PCDH15: variants seen among roughly 807,000 people sequenced by gnomAD.
PCDH15 encodes the protein protocadherin related 15.
In PCDH15, 129 loss-of-function variants were observed where a neutral mutation model predicts 178.5. The ratio of observed to expected loss-of-function variants is 0.72; its 90% CI spans 0.63 to 0.84. The LOEUF is 0.84. Among genes scored for constraint, PCDH15 ranks in the 40% least tolerant of loss-of-function variants. The pLI, the probability that PCDH15 is intolerant of heterozygous loss-of-function variation, is 0.00. For synonymous variants in PCDH15, 800 were observed against 732.0 expected (o/e 1.09, Z -1.50); for missense variants, 2,230 against 2,099.9 (o/e 1.06, Z -1.21).
chr10:55,618,447 GT>G (rs1487689494), intron 2 of PCDH15, among the ~76,000 whole-genome samples: 1 of 151,964 alleles, frequency 6.6e-6, no homozygotes, highest in Non-Finnish European at 1.5e-5. Context: ...TATTCATATA[GT>G]TTACCTTTCA....
chr10:55,470,138 G>A (rs1839923623), intron 2 of PCDH15, among the ~76,000 whole-genome samples: 1 of 151,970 alleles, frequency 6.6e-6, no homozygotes, highest in African/African-American at 2.4e-5. Context: ...ATCTCTTGAG[G>A]TCAGGAGTTC....
intron 1 of PCDH15, among the ~76,000 whole-genome samples, chr10:54,735,577 TGCG>T (rs1327911718): frequency 7.0e-6 from 1 of 143,196 alleles, no homozygotes; most frequent in Non-Finnish European, 1.5e-5. Flanking sequence ...GTATGTTTAT[TGCG>T]GCATTATTCA....
At chr10:55,504,892 T>C (rs1353557622) in intron 2 of PCDH15, among the ~76,000 whole-genome samples, 1 of 151,318 alleles carries the variant, frequency 6.6e-6, no homozygotes, top group Admixed American at 6.6e-5. Context: ...ACTAGGAAAA[T>C]TCAAATCAAA....
At chr10:53,963,150 C>T (rs954345815) in intron 21 of PCDH15, among the ~76,000 whole-genome samples, 7 of 152,058 alleles carry the variant, frequency 4.6e-5, no homozygotes, top group Admixed American at 2.0e-4. Flanking sequence ...TTTATATTTC[C>T]ATTTTCTTCA....
intron 29 of PCDH15, among the ~76,000 whole-genome samples, chr10:53,832,458 C>A (rs993934802): frequency 6.6e-6 from 1 of 151,820 alleles, no homozygotes; most frequent in South Asian, 2.1e-4. Flanking sequence ...AAAGGTCAAA[C>A]GTCTTACTAT....
intron 1 of PCDH15, among the ~76,000 whole-genome samples, chr10:54,748,614 T>C (rs1945786648): frequency 6.6e-6 from 1 of 152,224 alleles, no homozygotes; most frequent in Non-Finnish European, 1.5e-5. Context: ...CTTTACAGGA[T>C]TGATTTCTTT....
intron 2 of PCDH15, among the ~76,000 whole-genome samples, chr10:55,548,665 T>G (rs1841941402): frequency 6.6e-6 from 1 of 152,162 alleles, no homozygotes; most frequent in South Asian, 2.1e-4. Flanking sequence ...TCAAAAAGCA[T>G]ACACTTTAGC....
rs111234620 is a variant in PCDH15 at position 54,286,223 on chromosome 10, T to C, written c.876+31048A>G. Among the ~76,000 whole-genome samples, 1,080 of 152,280 alleles carry C rather than the reference T, an allele frequency of 7.1e-3. 8 individuals are homozygous for C. Among genetic ancestry groups the C allele is most frequent in the Admixed American group, 0.014 (214 of 15,288 alleles). On this transcript the variant is annotated intron_variant, in intron 8 of 37. Transcript: ENST00000644397. ...TTGAATGTTTTTACCACAAACAAAA[T>C]GATAACTGTGTGAGATGATGGATAT...
At chr10:54,681,787 T>C (rs766189010) in intron 1 of PCDH15, among the ~76,000 whole-genome samples, 1 of 152,178 alleles carries the variant, frequency 6.6e-6, no homozygotes, top group Non-Finnish European at 1.5e-5. Flanking sequence ...TGTGCACTTG[T>C]GTTAAAGATA....
At chr10:54,171,979 C>A (rs971472304) in intron 13 of PCDH15, among the ~76,000 whole-genome samples, 17 of 150,734 alleles carry the variant, frequency 1.1e-4, no homozygotes, top group Non-Finnish European at 2.2e-4. Flanking sequence ...CTCCATACCA[C>A]CCCCCAAAAA....
chr10:54,457,409 A>G (rs2136392697), intron 3 of PCDH15, among the ~76,000 whole-genome samples: 1 of 152,236 alleles, frequency 6.6e-6, no homozygotes, highest in East Asian at 1.9e-4. Flanking sequence ...GTACCTCTGG[A>G]CGCTTTATTC....
intron 6 of PCDH15, among the ~76,000 whole-genome samples, chr10:54,335,460 A>C (rs1940886137): frequency 6.6e-6 from 1 of 152,132 alleles, no homozygotes; most frequent in Non-Finnish European, 1.5e-5. Flanking sequence ...TTTCATCTTG[A>C]ATTGTAGCTT....
At chr10:54,659,800 A>G in intron 2 of PCDH15, among the ~76,000 whole-genome samples, 1 of 152,000 alleles carries the variant, frequency 6.6e-6, no homozygotes, top group East Asian at 1.9e-4. Flanking sequence ...AAAACCACAC[A>G]AGTACATGGA....
chr10:53,961,701 C>G, intron 22 of PCDH15, 51 bp downstream of exon 22: 1 of 1,399,160 alleles, frequency 7.1e-7, no homozygotes, highest in African/African-American at 1.5e-5. Flanking sequence ...GCCAAATTCT[C>G]TATCAAAAAT....
chr10:54,582,637 G>A (rs1051163290), intron 2 of PCDH15, among the ~76,000 whole-genome samples: 1 of 152,100 alleles, frequency 6.6e-6, no homozygotes, highest in African/African-American at 2.4e-5. Flanking sequence ...TACTGGCAAG[G>A]TGTGGTGTCT....
At chr10:54,010,650 C>G (rs1040225209) in intron 20 of PCDH15, among the ~76,000 whole-genome samples, 8 of 152,150 alleles carry the variant, frequency 5.3e-5, no homozygotes, top group African/African-American at 1.7e-4. Flanking sequence ...GAGAAAACCC[C>G]AGAGACAATC....
At chr10:55,434,075 T>TTA (rs1838962179) in intron 2 of PCDH15, among the ~76,000 whole-genome samples, 3 of 95,818 alleles carry the variant, frequency 3.1e-5, no homozygotes, top group Non-Finnish European at 3.8e-5. Context: ...TTCTTTTCTT[T>TTA]TCTTTTTTTT....
chr10:55,032,928 G>C (rs1335313909), intron 2 of PCDH15, among the ~76,000 whole-genome samples: 1 of 152,120 alleles, frequency 6.6e-6, no homozygotes, highest in African/African-American at 2.4e-5. Context: ...CATTGTTTTT[G>C]TACAGTGCTA....
At chr10:55,359,745 T>C (rs866701885) in intron 2 of PCDH15, among the ~76,000 whole-genome samples, 75 of 131,748 alleles carry the variant, frequency 5.7e-4, no homozygotes, top group Middle Eastern at 3.8e-3. Flanking sequence ...TATATATATA[T>C]ATACACACAC....
Sources: allele counts gnomAD v4.1 joint callset (sites outside exome capture counted in the v4.1 genomes callset), GRCh38; gene constraint gnomAD v4.1.1; transcripts MANE v1.5; gene names NCBI Gene and HGNC (gene_info 2026-07-23, HGNC 2026-07-21).